The following NOTCH2 variants were observed in gnomAD, a reference collection of about 807,000 sequenced individuals.
NOTCH2 encodes the protein notch receptor 2.
A neutral mutation model predicts 235.8 loss-of-function variants in NOTCH2; 29 were observed. That is an observed-to-expected ratio of 0.12 (90% CI 0.09 to 0.17). The LOEUF (loss-of-function observed/expected upper bound fraction) is 0.17. Among genes scored for constraint, NOTCH2 ranks in the 10% least tolerant of loss-of-function variants. NOTCH2 has a pLI of 1.00. For missense variants in NOTCH2, 2,285 were observed against 3,150.2 expected (o/e 0.73, Z 6.57); for synonymous variants, 1,086 against 1,141.5 (o/e 0.95, Z 0.98).
At chr1:120,001,535 C>A (rs1570734616) in intron 3 of NOTCH2, among the ~76,000 whole-genome samples, 3 of 152,162 alleles carry the variant, frequency 2.0e-5, no homozygotes, top group Admixed American at 6.5e-5. Flanking sequence ...CTACAGAGTG[C>A]CCAATTTGCC....
intron 23 of NOTCH2, 23 bp from the exon 24 acceptor site, chr1:119,926,634 A>AG: frequency 6.4e-7 from 1 of 1,556,764 alleles, no homozygotes; most frequent in Non-Finnish European, 8.7e-7. Flanking sequence ...AAAATAAAAA[A>AG]GGTTTTAAAA....
chr1:120,063,796 A>G (rs1474481842), intron 1 of NOTCH2, among the ~76,000 whole-genome samples: 1 of 152,238 alleles, frequency 6.6e-6, no homozygotes, highest in African/African-American at 2.4e-5. Context: ...AAATTCCCAG[A>G]TGACACTCCA....
chr1:119,948,333 G>C (rs1435638575), intron 17 of NOTCH2, 81 bp downstream of exon 17: 2 of 1,509,520 alleles, frequency 1.3e-6, no homozygotes, highest in African/African-American at 2.7e-5. Context: ...CGTGAAAGGC[G>C]GCAGCCTCCA....
intron 17 of NOTCH2, among the ~76,000 whole-genome samples, chr1:119,942,873 C>CTTTT (rs587671333): frequency 7.8e-6 from 1 of 128,800 alleles, no homozygotes; most frequent in African/African-American, 3.0e-5. Context: ...GTCCATATGT[C>CTTTT]TTTTTTTTTT....
At chr1:119,940,051 A>G (rs1553196270) in intron 19 of NOTCH2, among the ~76,000 whole-genome samples, 1 of 152,222 alleles carries the variant, frequency 6.6e-6, no homozygotes. Context: ...TTAGTTGCCT[A>G]TAAGGGCTCT....
chr1:120,031,302 C>T (rs1304654584), intron 1 of NOTCH2, among the ~76,000 whole-genome samples: 1 of 134,280 alleles, frequency 7.4e-6, no homozygotes, highest in Non-Finnish European at 1.6e-5. Flanking sequence ...AAATGCATCC[C>T]ATCCTTGAAA....
In NOTCH2 at chr1:119,986,995, T is replaced by C; in HGVS notation, c.839A>G (p.Asn280Ser). ...TGGGGGACAGCGGCAGTTGTAAGTG[T>C]TGACCCCATCCACACAAACCCCTCC... ...QNGGVCVDGVNTYNCRCPPQW... is the reference protein window; with the variant it reads ...QNGGVCVDGVSTYNCRCPPQW... The change falls in exon 5 of 34, where the codon AAC (asparagine) becomes AGC (serine). Residue 280 changes from asparagine (N) to serine (S), a missense_variant. By Grantham distance (46) the Asn-to-Ser change is conservative (BLOSUM62 1). Around this residue, in one of 6 missense-constraint regions of NOTCH2, gnomAD observed 431 missense variants for 757.8 expected, o/e 0.57. Transcript: ENST00000256646. The C allele has an allele frequency of 6.2e-7, 1 of 1,613,710 alleles. No homozygotes were observed. The highest frequency in any genetic ancestry group is 8.5e-7 in the Non-Finnish European group (1 of 1,179,690).
In NOTCH2 at chr1:119,955,063, T is replaced by G. The variant is rs782101275; in HGVS notation, c.2196A>C (p.Gly732=). The G allele has an allele frequency of 5.4e-5, 87 of 1,613,816 alleles. No individual in the cohort carries two copies. Among genetic ancestry groups the G allele is most frequent in the Non-Finnish European group, 7.1e-5 (84 of 1,179,952 alleles). ...NECLSNPCIH[G]NCTGGLSGYK... ...ACCCACTGAGACCTCCAGTACAGTT[T>G]CCATGGATGCAGGGATTGCTCAGGC... The change falls in exon 13 of 34, where the codon GGA becomes GGC. Residue 732 remains glycine, a synonymous_variant. Coordinates refer to ENST00000256646, the MANE Select transcript of NOTCH2 (RefSeq NM_024408.4).
intron 23 of NOTCH2, among the ~76,000 whole-genome samples, chr1:119,927,689 C>T (rs113896243): frequency 0.025 from 3,778 of 152,278 alleles, 83 homozygotes; most frequent in South Asian, 0.11. Flanking sequence ...ATGAAAGAAA[C>T]AGGAGCCAGT....
chr1:119,935,344 A>G, intron 22 of NOTCH2, 128 bp downstream of exon 22: 1 of 1,604,538 alleles, frequency 6.2e-7, no homozygotes, highest in Non-Finnish European at 8.5e-7. Flanking sequence ...ACTAGGATGT[A>G]GAACTAAATG....
At chr1:120,040,743 T>C (rs1654510486) in intron 1 of NOTCH2, among the ~76,000 whole-genome samples, 1 of 148,054 alleles carries the variant, frequency 6.8e-6, no homozygotes, top group Non-Finnish European at 1.5e-5. Context: ...AAACATAAAA[T>C]ATAGCCCTAA....
chr1:119,929,471 A>G (rs782595860), intron 22 of NOTCH2, among the ~76,000 whole-genome samples: 1 of 152,210 alleles, frequency 6.6e-6, no homozygotes, highest in Admixed American at 6.5e-5. Flanking sequence ...GTAGCACCCT[A>G]TGGTGTAGGT....
Position 119,915,219 on chromosome 1 carries a change from C to T in NOTCH2, c.*87G>A, listed in dbSNP as rs1006366719. On this transcript the variant is annotated 3_prime_UTR_variant, in exon 34 of 34. Transcript: ENST00000256646. ...CTCTAGAAGCTGGCTCCAGAGATTTCTTCATTTCTCTCCCGGATGACCTTC... is the reference window on the plus strand; with the variant it reads ...CTCTAGAAGCTGGCTCCAGAGATTTTTTCATTTCTCTCCCGGATGACCTTC... 23 of 1,358,898 alleles carry T rather than the reference C, an allele frequency of 1.7e-5. No individual in the cohort carries two copies. The highest frequency in any genetic ancestry group is 2.2e-5 in the Non-Finnish European group (21 of 958,160). The allele number at this position is 1,358,898 out of a possible 1,614,324, so 84.2% of individuals were successfully genotyped here. A position where few individuals can be genotyped will look rare whatever the true frequency, so the allele number is the denominator to read the frequency against.
chr1:119,944,412 G>T (rs1283902527), intron 17 of NOTCH2, among the ~76,000 whole-genome samples: 5 of 151,884 alleles, frequency 3.3e-5, no homozygotes, highest in Non-Finnish European at 5.9e-5. Context: ...GCGGGCACCT[G>T]TAGTCCCAGC....
Position 119,913,916 on chromosome 1 carries a change from A to C in NOTCH2, c.*1390T>G, listed in dbSNP as rs1648975014. 4.3e-6 allele frequency: 1 copy of C among 232,974 alleles called. No individual in the cohort carries two copies. The highest frequency in any genetic ancestry group is 5.6e-5 in the Admixed American group (1 of 17,774). 14.4% of individuals were successfully genotyped at this position (232,974 alleles called of 1,614,324 possible). ...TCATAGAAAACAAGTCCAACTTTCC[A>C]ATTCCTGCACTTGAACATATAAAGT... On this transcript the variant is annotated 3_prime_UTR_variant, in exon 34 of 34. Coordinates refer to ENST00000256646, the MANE Select transcript of NOTCH2 (RefSeq NM_024408.4).
intron 6 of NOTCH2, among the ~76,000 whole-genome samples, chr1:119,968,661 C>G (rs1449048346): frequency 6.6e-6 from 1 of 152,154 alleles, no homozygotes; most frequent in Non-Finnish European, 1.5e-5. Context: ...CCTACTTCCC[C>G]AATATTATGC....
chr1:119,921,536 C>T (rs587633599), intron 29 of NOTCH2, among the ~76,000 whole-genome samples, 177 bp downstream of exon 29: 142 of 152,250 alleles, frequency 9.3e-4, no homozygotes, highest in African/African-American at 2.7e-3. Context: ...AACCCAAGGT[C>T]ATTTACGTCC....
intron 15 of NOTCH2, 101 bp downstream of exon 15, chr1:119,950,623 A>C (rs1553197665): frequency 1.3e-6 from 1 of 798,500 alleles, no homozygotes; most frequent in Admixed American, 1.7e-5. Context: ...GAGCCCTCGG[A>C]GGAGCATTAC....
At chr1:120,063,947 T>C (rs2101433852) in intron 1 of NOTCH2, among the ~76,000 whole-genome samples, 1 of 152,308 alleles carries the variant, frequency 6.6e-6, no homozygotes, top group Non-Finnish European at 1.5e-5. Flanking sequence ...AGGGCTAAGA[T>C]GCTTTACCTG....
Sources: allele counts gnomAD v4.1 joint callset (sites outside exome capture counted in the v4.1 genomes callset), GRCh38; gene constraint gnomAD v4.1.1; regional missense constraint gnomAD v4.1.1; transcripts MANE v1.5; gene names NCBI Gene and HGNC (gene_info 2026-07-23, HGNC 2026-07-21).